The following SYT9 variants were observed in gnomAD, a reference collection of about 807,000 sequenced individuals.
The protein encoded by SYT9 is synaptotagmin-9.
SYT9 carries 22 observed loss-of-function variants against 48.4 expected under a neutral mutation model. The ratio of observed to expected loss-of-function variants is 0.45; its 90% CI spans 0.32 to 0.65. The LOEUF (loss-of-function observed/expected upper bound fraction) is 0.65. Ranked by LOEUF, SYT9 falls within the 30% of genes least tolerant of loss-of-function variation. The pLI is 0.03. For missense variants in SYT9, 577 were observed against 622.0 expected, an observed-to-expected ratio of 0.93 and a Z score of 0.77; for synonymous variants, 265 against 245.0, an observed-to-expected ratio of 1.08 and a Z score of -0.76.
At chr11:7,414,943 G>C (rs970857474) in intron 3 of SYT9, among the ~76,000 whole-genome samples, 2 of 152,162 alleles carry the variant, frequency 1.3e-5, no homozygotes, top group African/African-American at 4.8e-5. Context: ...ACCTCAGCTC[G>C]ATAACCTCAG....
chr11:7,441,398 A>T (rs917977912), intron 6 of SYT9: 4 of 152,252 alleles, frequency 2.6e-5, no homozygotes, highest in African/African-American at 9.6e-5. Context: ...AAACTTCTCC[A>T]GTTGCTTTGC....
At chr11:7,313,276 G>T (rs1589936740) in intron 2 of SYT9, 119 bp from the exon 3 acceptor site, 5 of 1,023,088 alleles carry the variant, frequency 4.9e-6, no homozygotes, top group African/African-American at 1.6e-5. Context: ...CACAAAAAAG[G>T]CCCACAGATC....
chr11:7,373,764 CA>C (rs1400023153), intron 3 of SYT9, among the ~76,000 whole-genome samples: 7 of 152,208 alleles, frequency 4.6e-5, no homozygotes, highest in Middle Eastern at 3.4e-3. Context: ...TGTTTGGAAG[CA>C]CCTGGAGGGT....
intron 3 of SYT9, among the ~76,000 whole-genome samples, chr11:7,414,776 G>C (rs1269842689): frequency 2.6e-5 from 4 of 152,302 alleles, no homozygotes; most frequent in Non-Finnish European, 5.9e-5. Flanking sequence ...AGAAAGGGAG[G>C]TTGGGCGAGG....
At chr11:7,401,909 T>C (rs573284912) in intron 3 of SYT9, among the ~76,000 whole-genome samples, 81 of 151,950 alleles carry the variant, frequency 5.3e-4, no homozygotes, top group Non-Finnish European at 9.3e-4. Flanking sequence ...TTGTTTTTCA[T>C]GTTCCTTAAG....
chr11:7,341,547 A>G (rs1378053970), intron 3 of SYT9, among the ~76,000 whole-genome samples: 6 of 152,178 alleles, frequency 3.9e-5, no homozygotes, highest in South Asian at 4.1e-4. Context: ...ACCTTCTGCC[A>G]TGATTGTGAG....
intron 3 of SYT9, among the ~76,000 whole-genome samples, chr11:7,405,993 C>T (rs1399392518): frequency 3.9e-5 from 6 of 152,034 alleles, no homozygotes; most frequent in Non-Finnish European, 5.9e-5. Context: ...TGGGATGCAA[C>T]AAGACAGAGA....
intron 3 of SYT9, among the ~76,000 whole-genome samples, chr11:7,354,605 A>G (rs933889113): frequency 2.6e-5 from 4 of 152,074 alleles, no homozygotes; most frequent in African/African-American, 9.7e-5. Context: ...AAAAGCTCCT[A>G]AGTAGATTGA....
intron 6 of SYT9, chr11:7,457,566 A>G (rs779068705): frequency 3.3e-5 from 5 of 152,204 alleles, no homozygotes; most frequent in Non-Finnish European, 7.3e-5. Context: ...AGTTTTACTT[A>G]CTGATTTCTT....
At chr11:7,464,853 CG>C (rs1256673985) in intron 6 of SYT9, among the ~76,000 whole-genome samples, 1 of 151,788 alleles carries the variant, frequency 6.6e-6, no homozygotes, top group Non-Finnish European at 1.5e-5. Context: ...GAGGCCGAGG[CG>C]GGCGGATCAC....
At chr11:7,449,119 G>A (rs12274312) in intron 6 of SYT9, among the ~76,000 whole-genome samples, 4,453 of 151,998 alleles carry the variant, frequency 0.029, 221 homozygotes, top group African/African-American at 0.098. Context: ...CAAGGTGGGC[G>A]GATCACTTGA....
chr11:7,293,131 T>A (rs565592528), intron 1 of SYT9, among the ~76,000 whole-genome samples: 17 of 152,280 alleles, frequency 1.1e-4, no homozygotes, highest in Admixed American at 5.2e-4. Context: ...ATAGAAGGTA[T>A]AACAGAAAGT....
intron 1 of SYT9, among the ~76,000 whole-genome samples, chr11:7,254,956 G>A (rs771878573): frequency 5.3e-5 from 8 of 152,046 alleles, no homozygotes; most frequent in Non-Finnish European, 1.0e-4. Flanking sequence ...GGGGAGTACC[G>A]CACCCAGATT....
intron 1 of SYT9, among the ~76,000 whole-genome samples, chr11:7,279,858 G>T (rs1848462736): frequency 6.6e-6 from 1 of 152,204 alleles, no homozygotes; most frequent in South Asian, 2.1e-4. Flanking sequence ...CCTGGGTCAA[G>T]CCCAACCCAA....
At chr11:7,340,523 G>C (rs138620330) in intron 3 of SYT9, among the ~76,000 whole-genome samples, 1,632 of 152,302 alleles carry the variant, frequency 0.011, 14 homozygotes, top group Middle Eastern at 0.017. Context: ...GCTTCTGATT[G>C]AAGTGGTCAG....
At chr11:7,397,600 T>C (rs904743199) in intron 3 of SYT9, among the ~76,000 whole-genome samples, 1 of 152,142 alleles carries the variant, frequency 6.6e-6, no homozygotes, top group South Asian at 2.1e-4. Context: ...AATTTATAGA[T>C]CAATGGGAAT....
At chr11:7,419,454 G>GAA (rs111422087) in intron 5 of SYT9, among the ~76,000 whole-genome samples, 2 of 147,240 alleles carry the variant, frequency 1.4e-5, no homozygotes, top group African/African-American at 5.0e-5. Flanking sequence ...TTGCAGGAGG[G>GAA]AAAAAAAAAA....
intron 2 of SYT9, 126 bp downstream of exon 2, chr11:7,303,516 G>A: frequency 1.2e-6 from 1 of 849,116 alleles, no homozygotes; most frequent in South Asian, 1.9e-5. Flanking sequence ...TCAGAGACAT[G>A]AATATGGGAA....
intron 1 of SYT9, among the ~76,000 whole-genome samples, chr11:7,258,353 A>G (rs1342293706): frequency 6.6e-6 from 1 of 152,180 alleles, no homozygotes; most frequent in East Asian, 1.9e-4. Flanking sequence ...AGAAGTTTTC[A>G]GTTTTCACTG....
Sources: allele counts gnomAD v4.1 joint callset (sites outside exome capture counted in the v4.1 genomes callset), GRCh38; gene constraint gnomAD v4.1.1; transcripts MANE v1.5; gene names NCBI Gene and HGNC (gene_info 2026-07-23, HGNC 2026-07-21).